BCAS3: variants seen among roughly 807,000 people sequenced by gnomAD.
The protein encoded by BCAS3 is BCAS3 microtubule associated cell migration factor.
A neutral mutation model predicts 116.1 loss-of-function variants in BCAS3; 53 were observed. The observed-to-expected ratio is 0.46, with a 90% CI of 0.37 to 0.57. The LOEUF (loss-of-function observed/expected upper bound fraction) is 0.57, where lower values mean the gene tolerates loss of function less well. Ranked by LOEUF, BCAS3 falls within the 20% of genes least tolerant of loss-of-function variation. The pLI, the probability that BCAS3 is intolerant of heterozygous loss-of-function variation, is 0.00. For synonymous variants in BCAS3, 391 were observed against 408.2 expected, an observed-to-expected ratio of 0.96 and a Z score of 0.51; for missense variants, 917 against 1,165.4, an observed-to-expected ratio of 0.79 and a Z score of 3.10.
At chr17:60,970,677 T>C (rs1186571257) in intron 14 of BCAS3, among the ~76,000 whole-genome samples, 4 of 152,308 alleles carry the variant, frequency 2.6e-5, no homozygotes, top group African/African-American at 9.6e-5. Context: ...ATAATTTAAA[T>C]GCATCTTGAC....
intron 6 of BCAS3, among the ~76,000 whole-genome samples, chr17:60,762,934 C>A (rs111764225): frequency 2.6e-5 from 4 of 150,962 alleles, no homozygotes; most frequent in African/African-American, 9.9e-5. Context: ...TAGTTGGATT[C>A]CTAGGTATTT....
At chr17:60,921,881 C>T (rs950370952) in intron 12 of BCAS3, among the ~76,000 whole-genome samples, 12 of 151,532 alleles carry the variant, frequency 7.9e-5, no homozygotes, top group South Asian at 2.1e-4. Flanking sequence ...AAAGACTTTA[C>T]GTCAAGAAGT....
At chr17:61,336,463 T>G (rs1462299817) in intron 22 of BCAS3, among the ~76,000 whole-genome samples, 1 of 152,198 alleles carries the variant, frequency 6.6e-6, no homozygotes, top group East Asian at 1.9e-4. Context: ...GCTTCAAGCT[T>G]TCTTCCTGTT....
At chr17:61,115,846 G>C (rs996921563) in intron 22 of BCAS3, among the ~76,000 whole-genome samples, 2 of 151,444 alleles carry the variant, frequency 1.3e-5, no homozygotes, top group African/African-American at 4.8e-5. Context: ...CAACCCAAAT[G>C]TCCAACAATG....
At chr17:60,949,679 G>A (rs1361824141) in intron 14 of BCAS3, among the ~76,000 whole-genome samples, 2 of 152,088 alleles carry the variant, frequency 1.3e-5, no homozygotes, top group African/African-American at 4.8e-5. Context: ...AGACTAATTG[G>A]GATATCCATT....
At position 61,282,091 on chromosome 17, in the gene BCAS3, T is replaced by C. The variant is rs1025335833; in HGVS notation, c.2426-86236T>C. On this transcript the variant is annotated intron_variant, in intron 22 of 23. Coordinates refer to ENST00000407086, the MANE Select transcript of BCAS3 (RefSeq NM_017679.5). This position sits in a 1 kb window ranked among gnomAD's most constrained non-coding sequence, Gnocchi z 5.9. ...TACCTGCCTCCTGCATTTTTGTGAA[T>C]ATCTAATAAGATCAAGTGAATTTAA... 1.3e-5 allele frequency among the ~76,000 whole-genome samples: 2 copies of C among 152,234 alleles called. No individual in the cohort carries two copies. The highest frequency in any genetic ancestry group is 4.8e-5 in the African/African-American group (2 of 41,458).
intron 7 of BCAS3, among the ~76,000 whole-genome samples, chr17:60,855,683 T>C (rs1258230336): frequency 6.6e-6 from 1 of 151,820 alleles, no homozygotes; most frequent in Non-Finnish European, 1.5e-5. Context: ...GATTTTGTAT[T>C]TTCTTTCTTT....
At chr17:61,058,692 TA>T (rs1339065331) in intron 19 of BCAS3, among the ~76,000 whole-genome samples, 2 of 152,206 alleles carry the variant, frequency 1.3e-5, no homozygotes, top group African/African-American at 4.8e-5. Flanking sequence ...GACTTCTGGT[TA>T]AAGTAATTTT....
chr17:60,752,719 T>A (rs1181729853), intron 6 of BCAS3, among the ~76,000 whole-genome samples: 1 of 104,914 alleles, frequency 9.5e-6, no homozygotes, highest in Non-Finnish European at 2.3e-5. Flanking sequence ...AAATTTCCTC[T>A]TAGAGAGAGT....
rs953001817 is a variant in BCAS3 at position 61,315,848 on chromosome 17, G to A, written c.2426-52479G>A. ...CCCTGCAGTAGCACACCTCTGCACA[G>A]CTTTCCTCTTTACTCCTAGCCAGGC... On this transcript the variant is annotated intron_variant, in intron 22 of 23. Transcript: ENST00000407086. This position sits in a 1 kb window ranked among gnomAD's most constrained non-coding sequence, Gnocchi z 5.3. 2.0e-5 allele frequency among the ~76,000 whole-genome samples: 3 copies of A among 152,142 alleles called. No homozygotes were observed. The highest frequency in any genetic ancestry group is 2.1e-4 in the South Asian group (1 of 4,834).
At chr17:60,816,279 CTT>C (rs537982584) in intron 7 of BCAS3, among the ~76,000 whole-genome samples, 4 of 140,070 alleles carry the variant, frequency 2.9e-5, no homozygotes, top group Non-Finnish European at 3.1e-5. Flanking sequence ...TTTTTCTTTT[CTT>C]TTTTTTTTTT....
intron 22 of BCAS3, among the ~76,000 whole-genome samples, chr17:61,090,260 G>A (rs1410574337): frequency 6.6e-6 from 1 of 152,158 alleles, no homozygotes; most frequent in African/African-American, 2.4e-5. Flanking sequence ...AATAAATGAT[G>A]TGATTTTCAA....
chr17:61,321,297 T>G (rs2055194048), intron 22 of BCAS3, among the ~76,000 whole-genome samples: 1 of 152,172 alleles, frequency 6.6e-6, no homozygotes, highest in African/African-American at 2.4e-5. Context: ...GGACAGAGCG[T>G]TAGCAAAAGA....
rs1034276625 is a variant in BCAS3, at chr17:61,213,897, T to A, written c.2425+129333T>A. On this transcript the variant is annotated intron_variant, in intron 22 of 23. Coordinates refer to ENST00000407086, the MANE Select transcript of BCAS3 (RefSeq NM_017679.5). This position sits in a 1 kb window ranked among gnomAD's most constrained non-coding sequence, Gnocchi z 5.4. ...CTGCCCTTTTGTATTTGTCCCAGGGTAGCAGAGAAGAGACTATAGAAATGT... is the reference window on the plus strand; with the variant it reads ...CTGCCCTTTTGTATTTGTCCCAGGGAAGCAGAGAAGAGACTATAGAAATGT... 6.6e-6 allele frequency among the ~76,000 whole-genome samples: 1 copy of A among 152,100 alleles called. No homozygotes were observed. The highest frequency in any genetic ancestry group is 1.5e-5 in the Non-Finnish European group (1 of 68,030).
intron 5 of BCAS3, among the ~76,000 whole-genome samples, chr17:60,739,434 A>G (rs983901290): frequency 2.0e-5 from 3 of 152,128 alleles, no homozygotes; most frequent in Admixed American, 6.5e-5. Flanking sequence ...AGCCTGGTCA[A>G]TGTGGTAAAA....
chr17:61,139,374 TC>T lies in BCAS3; in HGVS notation c.2425+54811del, dbSNP rs1348927338. The stretch of plus-strand genomic sequence containing the variant: ...CAAACGAGGTTCACAAATGCTGTTT[TC>T]ATATTTGTGGTTTTGGTGTTTCCTC... On this transcript the variant is annotated intron_variant, in intron 22 of 23. Coordinates refer to ENST00000407086, the MANE Select transcript of BCAS3 (RefSeq NM_017679.5). This position sits in a 1 kb window ranked among gnomAD's most constrained non-coding sequence, Gnocchi z 4.7. Among the ~76,000 whole-genome samples, 2 of 152,214 alleles carry T rather than the reference TC, an allele frequency of 1.3e-5. No homozygotes were observed. The highest frequency in any genetic ancestry group is 4.8e-5 in the African/African-American group (2 of 41,454).
chr17:61,234,380 A>G (rs928314861), intron 22 of BCAS3, among the ~76,000 whole-genome samples: 3 of 152,204 alleles, frequency 2.0e-5, no homozygotes, highest in African/African-American at 7.2e-5. Flanking sequence ...GACTGGAGCC[A>G]GGTCTGAAGT....
chr17:61,329,918 G>A (rs992365872), intron 22 of BCAS3, among the ~76,000 whole-genome samples: 1 of 152,142 alleles, frequency 6.6e-6, no homozygotes, highest in Non-Finnish European at 1.5e-5. Flanking sequence ...TGTTTAACGA[G>A]CATTTAGTGA....
intron 22 of BCAS3, among the ~76,000 whole-genome samples, chr17:61,274,328 G>T (rs985301436): frequency 3.2e-5 from 4 of 126,038 alleles, no homozygotes; most frequent in African/African-American, 1.3e-4. Flanking sequence ...TCAGTTTGTC[G>T]CCCAGGCTGG....
Sources: allele counts gnomAD v4.1 joint callset (sites outside exome capture counted in the v4.1 genomes callset), GRCh38; gene constraint gnomAD v4.1.1; non-coding constraint Gnocchi (gnomAD v3.1); transcripts MANE v1.5; gene names NCBI Gene and HGNC (gene_info 2026-07-23, HGNC 2026-07-21).